The following LLGL2 variants were observed in gnomAD, a reference collection of about 807,000 sequenced individuals.
LLGL2 encodes LLGL2, scribble cell polarity complex component.
A neutral mutation model predicts 123.2 loss-of-function variants in LLGL2; 81 were observed. That is an observed-to-expected ratio of 0.66 (90% CI 0.55 to 0.79). LLGL2 has a LOEUF of 0.79. Among genes scored for constraint, LLGL2 ranks in the 30% least tolerant of loss-of-function variants. The pLI is 0.00. For missense variants in LLGL2, 1,273 were observed against 1,414.6 expected, an observed-to-expected ratio of 0.90 and a Z score of 1.61; for synonymous variants, 577 against 594.1, an observed-to-expected ratio of 0.97 and a Z score of 0.42.
intron 1 of LLGL2, among the ~76,000 whole-genome samples, chr17:75,539,342 C>T (rs2054122418): frequency 6.6e-6 from 1 of 151,922 alleles, no homozygotes; most frequent in East Asian, 1.9e-4. Flanking sequence ...CAAGCATGAG[C>T]CACTGTGCCC....
At chr17:75,562,969 C>A (rs756782520) in intron 6 of LLGL2, 47 bp from the exon 7 acceptor site, 10 of 1,600,414 alleles carry the variant, frequency 6.2e-6, no homozygotes, top group African/African-American at 1.3e-5. Context: ...GGGGGCCATT[C>A]CCCCTGGTGG....
At position 75,568,441 on chromosome 17, in the gene LLGL2, T is replaced by C. The variant is rs557980233; in HGVS notation, c.1037-35T>C. 1.2e-5 allele frequency: 20 copies of C among 1,600,890 alleles called. No homozygotes were observed. In the East Asian group the frequency reaches 1.8e-4, roughly 14 times the overall value. ...TCCACAGAGCTGGGCTGCTTCCTCC[T>C]GGCCCCGGCCCCTGACCCTTGCCCT... On this transcript the variant is annotated intron_variant, in intron 10 of 25. Coordinates refer to ENST00000392550, the MANE Select transcript of LLGL2 (RefSeq NM_001031803.2).
chr17:75,553,581 G>A (rs1022409421), intron 2 of LLGL2, among the ~76,000 whole-genome samples: 6 of 152,208 alleles, frequency 3.9e-5, no homozygotes, highest in African/African-American at 1.4e-4. Flanking sequence ...CTGCCTCATT[G>A]TTGGGACCTT....
At chr17:75,551,102 GA>G (rs1253585540) in intron 2 of LLGL2, among the ~76,000 whole-genome samples, 3 of 152,294 alleles carry the variant, frequency 2.0e-5, no homozygotes, top group African/African-American at 7.2e-5. Flanking sequence ...ATTTACACAT[GA>G]AACCATTCTC....
rs2055719287 is a variant in LLGL2 at position 75,571,752 on chromosome 17, G to A, written c.2262G>A (p.Arg754=). The A allele has an allele frequency of 1.2e-6, 2 of 1,608,758 alleles. No homozygotes were observed. The highest frequency in any genetic ancestry group is 8.5e-7 in the Non-Finnish European group (1 of 1,179,910). Residue 754 remains arginine, a synonymous_variant, in exon 18 of 26, where the codon CGG becomes CGA. Coordinates refer to ENST00000392550, the MANE Select transcript of LLGL2 (RefSeq NM_001031803.2). Reference sequence around the variant, plus strand: ...CCCTGCGTGTGCCTCCCGCCGAGCGGAGAATGGATGAGCCTGTGCGGGCAG... The same window carrying A: ...CCCTGCGTGTGCCTCCCGCCGAGCGAAGAATGGATGAGCCTGTGCGGGCAG... ...AFSLRVPPAE[R]RMDEPVRAEQ... is the part of the protein sequence containing the mutation.
chr17:75,534,200 C>A (rs1415143892), intron 1 of LLGL2, among the ~76,000 whole-genome samples: 1 of 152,264 alleles, frequency 6.6e-6, no homozygotes, highest in Non-Finnish European at 1.5e-5. Flanking sequence ...GGGGCTAAGG[C>A]CCCCAGAATG....
At chr17:75,565,085 G>C (rs1320313337) in intron 10 of LLGL2, among the ~76,000 whole-genome samples, 3 of 152,172 alleles carry the variant, frequency 2.0e-5, no homozygotes, top group African/African-American at 7.2e-5. Flanking sequence ...AGCCCACAGG[G>C]GGCTGATCTG....
At chr17:75,526,703 T>G (rs1160577979) in intron 1 of LLGL2, among the ~76,000 whole-genome samples, 1 of 151,726 alleles carries the variant, frequency 6.6e-6, no homozygotes, top group Admixed American at 6.6e-5. Context: ...CCTGCTGGAG[T>G]TTGTAGTTCA....
At chr17:75,574,837 G>A in intron 25 of LLGL2, 34 bp from the exon 26 acceptor site, 1 of 1,613,766 alleles carries the variant, frequency 6.2e-7, no homozygotes, top group Non-Finnish European at 8.5e-7. Flanking sequence ...GTCCTGCCCA[G>A]GGTGATCTTG....
At chr17:75,527,733 T>A (rs2147050881) in intron 1 of LLGL2, among the ~76,000 whole-genome samples, 1 of 152,004 alleles carries the variant, frequency 6.6e-6, no homozygotes, top group South Asian at 2.1e-4. Flanking sequence ...TCCCAAAGCG[T>A]TGGGATTACA....
intron 1 of LLGL2, chr17:75,538,490 G>A (rs1314678479): frequency 6.6e-6 from 1 of 152,200 alleles, no homozygotes; most frequent in Admixed American, 6.5e-5. Context: ...GTCAGTCTCA[G>A]TGGAGACCTC....
intron 1 of LLGL2, among the ~76,000 whole-genome samples, chr17:75,532,077 C>CACACACACACACACACACACACA (rs58220046): frequency 2.4e-5 from 2 of 83,988 alleles, no homozygotes; most frequent in African/African-American, 7.7e-5. Context: ...CACACACACA[C>CACACACACACACACACACACACA]TTTTTTTTTT....
chr17:75,564,547 G>A lies in LLGL2; in HGVS notation c.1036+40G>A. 1.2e-6 allele frequency: 2 copies of A among 1,611,400 alleles called. No individual in the cohort carries two copies. Among genetic ancestry groups the A allele is most frequent in the Non-Finnish European group, 1.7e-6 (2 of 1,178,826 alleles). ...GGAGTGGGTGCCCAGGGTTAGGTGT[G>A]GGAGGCATGGGGCAGGACCATCAGT... On this transcript the variant is annotated intron_variant, in intron 10 of 25. Coordinates refer to ENST00000392550, the MANE Select transcript of LLGL2 (RefSeq NM_001031803.2). The surrounding 1 kb of genome is among the most constrained non-coding windows in gnomAD (Gnocchi z 4.9).
At chr17:75,555,931 G>C in intron 2 of LLGL2, 115 bp from the exon 3 acceptor site, 1 of 745,422 alleles carries the variant, frequency 1.3e-6, no homozygotes, top group Non-Finnish European at 2.3e-6. Context: ...GGGAGGAACC[G>C]GAAAGGTACC....
chr17:75,567,544 C>G (rs539986807), intron 10 of LLGL2, among the ~76,000 whole-genome samples: 1 of 152,184 alleles, frequency 6.6e-6, no homozygotes, highest in South Asian at 2.1e-4. Context: ...GAAGCTGAGG[C>G]AGGAGAATCG....
At chr17:75,536,385 C>T (rs2054002315) in intron 1 of LLGL2, among the ~76,000 whole-genome samples, 1 of 152,176 alleles carries the variant, frequency 6.6e-6, no homozygotes, top group Non-Finnish European at 1.5e-5. Context: ...GCTTTAAAGC[C>T]TCGGGACGAT....
intron 1 of LLGL2, among the ~76,000 whole-genome samples, chr17:75,537,809 C>CTTTTT (rs563954111): frequency 6.9e-5 from 9 of 130,206 alleles, no homozygotes; most frequent in South Asian, 2.5e-4. Flanking sequence ...GGAAGGTGAC[C>CTTTTT]TTTTTTTTTT....
At position 75,559,440 on chromosome 17, in the gene LLGL2, C is replaced by A; in HGVS notation, c.530+30C>A. On this transcript the variant is annotated intron_variant, in intron 6 of 25. Coordinates refer to ENST00000392550, the MANE Select transcript of LLGL2 (RefSeq NM_001031803.2). This position sits in a 1 kb window ranked among gnomAD's most constrained non-coding sequence, Gnocchi z 4.6. Reference sequence around the variant, plus strand: ...GCCCAGAGCCCAGCTGCTGTTAACTCCATCCCCTCAAGTTAGGCATGGCTT... The same window carrying A: ...GCCCAGAGCCCAGCTGCTGTTAACTACATCCCCTCAAGTTAGGCATGGCTT... The A allele has an allele frequency of 6.4e-7, 1 of 1,571,510 alleles. No homozygotes were observed. Among genetic ancestry groups the A allele is most frequent in the Non-Finnish European group, 8.6e-7 (1 of 1,159,572 alleles).
At position 75,545,491 on chromosome 17, in the gene LLGL2, G is replaced by A. The variant is rs557273539; in HGVS notation, c.75+1990G>A. Among the ~76,000 whole-genome samples, 120 of 152,188 alleles carry A rather than the reference G, an allele frequency of 7.9e-4. 1 individual carries two copies. The highest frequency in any genetic ancestry group is 1.2e-3 in the Non-Finnish European group (79 of 67,994). ...GGGAGAGCCCAGGGGATTCAGGAGCGGGGTAGACTCATCCGGCTCGGGGAG... is the reference window on the plus strand; with the variant it reads ...GGGAGAGCCCAGGGGATTCAGGAGCAGGGTAGACTCATCCGGCTCGGGGAG... On this transcript the variant is annotated intron_variant, in intron 2 of 25. Coordinates refer to ENST00000392550, the MANE Select transcript of LLGL2 (RefSeq NM_001031803.2).
Sources: allele counts gnomAD v4.1 joint callset (sites outside exome capture counted in the v4.1 genomes callset), GRCh38; gene constraint gnomAD v4.1.1; non-coding constraint Gnocchi (gnomAD v3.1); transcripts MANE v1.5; gene names NCBI Gene and HGNC (gene_info 2026-07-23, HGNC 2026-07-21).